ADSL: variants seen among roughly 807,000 people sequenced by gnomAD.
ADSL encodes adenylosuccinate lyase, also known as adenylosuccinase.
In ADSL, 44 loss-of-function variants were observed where a neutral mutation model predicts 62.1. The observed-to-expected ratio is 0.71, with a 90% CI of 0.56 to 0.91. ADSL has a LOEUF of 0.91. Ranked by LOEUF, ADSL falls within the 40% of genes least tolerant of loss-of-function variation. The pLI is 0.00. For synonymous variants in ADSL, 198 were observed against 220.5 expected, an observed-to-expected ratio of 0.90 and a Z score of 0.90; for missense variants, 531 against 627.4, an observed-to-expected ratio of 0.85 and a Z score of 1.64.
chr22:40,350,076 G>C (rs1199501296), intron 2 of ADSL, 41 bp downstream of exon 2: 1 of 1,561,758 alleles, frequency 6.4e-7, no homozygotes, highest in Non-Finnish European at 8.8e-7. Flanking sequence ...TCAGTCTCTA[G>C]AATCTATTTG....
chr22:40,361,169 CA>C, intron 7 of ADSL, 103 bp from the exon 8 acceptor site: 1 of 1,106,918 alleles, frequency 9.0e-7, no homozygotes. Flanking sequence ...AGCTCAGCCA[CA>C]GCACACCTAA....
At position 40,350,928 on chromosome 22, in the gene ADSL, C is replaced by T. The variant is rs369625380; in HGVS notation, c.357+893C>T. On this transcript the variant is annotated intron_variant, in intron 2 of 12. Transcript: ENST00000623063. ...TACAGGCATGAGCCACTGTGCCTGG[C>T]CTTCAAAGGACTTGTGAAATCCTTT... Among the ~76,000 whole-genome samples the T allele has an allele frequency of 5.3e-4, 81 of 152,120 alleles. No individual in the cohort carries two copies. The East Asian group carries it at 0.012, about 22-fold the overall frequency.
At chr22:40,386,070 G>A (rs2048392599) in intron 2 of ADSL, among the ~76,000 whole-genome samples, 1 of 151,700 alleles carries the variant, frequency 6.6e-6, no homozygotes, top group Admixed American at 6.6e-5. Context: ...AGTAGAGACA[G>A]GGTTTTGCCA....
chr22:40,349,375 CTTTTT>C (rs71263543), intron 1 of ADSL, among the ~76,000 whole-genome samples: 1 of 135,922 alleles, frequency 7.4e-6, no homozygotes, highest in East Asian at 2.1e-4. Context: ...TTGGAGCTTT[CTTTTT>C]TTTTTTTTTT....
chr22:40,354,386 T>A, intron 4 of ADSL, 59 bp downstream of exon 4: 1 of 1,322,648 alleles, frequency 7.6e-7, no homozygotes. Flanking sequence ...CTTCTTGAGT[T>A]CTCTGTTTTC....
At chr22:40,346,897 C>A (rs1319300459) in intron 1 of ADSL, among the ~76,000 whole-genome samples, 186 bp downstream of exon 1, 1 of 152,202 alleles carries the variant, frequency 6.6e-6, no homozygotes, top group African/African-American at 2.4e-5. Context: ...GGAGCCGCCA[C>A]CTGTTGCCTC....
rs752735865 is a variant in ADSL, at chr22:40,363,012, G to A, written c.1042G>A (p.Ala348Thr). 24 of 1,613,934 alleles carry A rather than the reference G, an allele frequency of 1.5e-5. No individual in the cohort carries two copies. Among genetic ancestry groups the A allele is most frequent in the South Asian group, 6.6e-5 (6 of 91,086 alleles). Residue 348 changes from alanine to threonine, a missense_variant, in exon 10 of 13, where the codon GCA (alanine) becomes ACA (threonine). Ala to Thr is a moderately conservative substitution (Grantham distance 58). Transcript: ENST00000623063. ...RICLAEAFLT[A>T]DTILNTLQNI... ...CTGTTTGGCCGAGGCATTTCTTACC[G>A]CAGATACTATATTGAATACGCTGCA...
intron 2 of ADSL, among the ~76,000 whole-genome samples, chr22:40,351,331 C>T (rs904717492): frequency 3.3e-5 from 5 of 152,038 alleles, no homozygotes; most frequent in African/African-American, 9.7e-5. Flanking sequence ...CCGCCACGCC[C>T]AGCTAATTTT....
intron 11 of ADSL, 37 bp downstream of exon 11, chr22:40,364,402 T>TTCCTGGATAAGA: frequency 6.4e-7 from 1 of 1,569,022 alleles, no homozygotes; most frequent in Non-Finnish European, 8.8e-7. Context: ...AAGTTGAGAG[T>TTCCTGGATAAGA]GCACGTTTGG....
intron 7 of ADSL, 42 bp from the exon 8 acceptor site, chr22:40,361,231 A>G (rs1156539824): frequency 1.3e-6 from 2 of 1,584,196 alleles, no homozygotes; most frequent in East Asian, 2.2e-5. Context: ...TCTACTGCAC[A>G]CTGACAGTGT....
chr22:40,364,828 T>C, intron 11 of ADSL, 52 bp from the exon 12 acceptor site: 2 of 1,589,048 alleles, frequency 1.3e-6, no homozygotes, highest in Non-Finnish European at 1.7e-6. Flanking sequence ...TTTTTAAAAG[T>C]GTTCAAACGC....
intron 1 of ADSL, chr22:40,348,656 C>A: frequency 5.0e-6 from 2 of 398,594 alleles, no homozygotes; most frequent in Non-Finnish European, 8.8e-6. Context: ...TGTGAGCCAC[C>A]ATACCTGGCC....
chr22:40,371,821 C>A (rs2045553546), downstream of ADSL, among the ~76,000 whole-genome samples: 3 of 151,880 alleles, frequency 2.0e-5, no homozygotes, highest in Admixed American at 2.0e-4. Context: ...CTCAGCCTAC[C>A]GAGTAGCTGG....
chr22:40,357,153 C>T (rs1304279696), intron 4 of ADSL, among the ~76,000 whole-genome samples: 1 of 152,026 alleles, frequency 6.6e-6, no homozygotes, highest in Non-Finnish European at 1.5e-5. Flanking sequence ...GCCTCGGCCT[C>T]CCAAAGTGCT....
intron 4 of ADSL, among the ~76,000 whole-genome samples, chr22:40,357,943 T>C (rs1414525472): frequency 6.6e-6 from 1 of 152,060 alleles, no homozygotes; most frequent in Non-Finnish European, 1.5e-5. Context: ...AGTTAATTTT[T>C]TGTATTTTTA....
intron 6 of ADSL, among the ~76,000 whole-genome samples, chr22:40,359,547 A>G (rs1255286995): frequency 3.7e-5 from 1 of 26,744 alleles, no homozygotes; most frequent in African/African-American, 1.7e-4. Context: ...TTATTTTATT[A>G]TTGTTTTTGA....
Position 40,367,620 on chromosome 22 carries a change from T to G in ADSL, c.*1098T>G, listed in dbSNP as rs199650962. ...CTTGTTGCATGGATTTATAGCTGAT[T>G]GAAGCAACTGTAGCCAAAGATTGAG... On this transcript the variant is annotated 3_prime_UTR_variant, in exon 13 of 13. Coordinates refer to ENST00000623063, the MANE Select transcript of ADSL (RefSeq NM_000026.4). 2 of 167,226 alleles carry G rather than the reference T, an allele frequency of 1.2e-5. No individual in the cohort carries two copies. The highest frequency in any genetic ancestry group is 4.8e-5 in the African/African-American group (2 of 41,448). The allele number at this position is 167,226 out of a possible 1,614,324, so 10.4% of individuals were successfully genotyped here. A position where few individuals can be genotyped will look rare whatever the true frequency, so the allele number is the denominator to read the frequency against.
chr22:40,363,792 C>A (rs2044887740), intron 10 of ADSL, among the ~76,000 whole-genome samples: 1 of 151,166 alleles, frequency 6.6e-6, no homozygotes, highest in Non-Finnish European at 1.5e-5. Context: ...TTAATATTTC[C>A]TTTTTAAAAA....
intron 7 of ADSL, 109 bp downstream of exon 7, chr22:40,360,601 T>A: frequency 1.3e-6 from 1 of 778,024 alleles, no homozygotes; most frequent in East Asian, 2.6e-5. Flanking sequence ...ATATTTTACA[T>A]TAGTTTTAAT....
Sources: allele counts gnomAD v4.1 joint callset (sites outside exome capture counted in the v4.1 genomes callset), GRCh38; gene constraint gnomAD v4.1.1; transcripts MANE v1.5; gene names NCBI Gene and HGNC (gene_info 2026-07-23, HGNC 2026-07-21).